The following SKA2 variants were observed in gnomAD, a reference collection of about 807,000 sequenced individuals.
SKA2 encodes spindle and kinetochore associated complex subunit 2.
In SKA2, 13 loss-of-function variants were observed where a neutral mutation model predicts 16.9. That is an observed-to-expected ratio of 0.77 (90% CI 0.50 to 1.22). SKA2 has a LOEUF of 1.22. Ranked by LOEUF, SKA2 falls within the 50% of genes most tolerant of loss-of-function variation. SKA2 has a pLI of 0.00. For missense variants in SKA2, 107 were observed against 139.7 expected (o/e 0.77, Z 1.18); for synonymous variants, 47 against 48.5 (o/e 0.97, Z 0.13).
chr17:59,135,094 C>T (rs931928555), intron 1 of SKA2, among the ~76,000 whole-genome samples: 9 of 152,036 alleles, frequency 5.9e-5, no homozygotes, highest in African/African-American at 2.2e-4. Context: ...CTCGGCCTCC[C>T]AAAGCGCTGG....
intron 3 of SKA2, among the ~76,000 whole-genome samples, chr17:59,113,486 G>C (rs369900940): frequency 1.3e-5 from 2 of 151,822 alleles, no homozygotes; most frequent in South Asian, 4.2e-4. Flanking sequence ...TCGCACCACT[G>C]AACTCCATCC....
At chr17:59,114,153 CA>C (rs947837900) in intron 3 of SKA2, among the ~76,000 whole-genome samples, 3 of 152,164 alleles carry the variant, frequency 2.0e-5, no homozygotes, top group Admixed American at 2.0e-4. Flanking sequence ...GTTACAAACC[CA>C]TTCCTCAACC....
chr17:59,132,988 T>G (rs988128394), intron 1 of SKA2, among the ~76,000 whole-genome samples: 1 of 152,234 alleles, frequency 6.6e-6, no homozygotes, highest in African/African-American at 2.4e-5. Context: ...TTTCTTTTTC[T>G]TTTTTATGAG....
intron 2 of SKA2, among the ~76,000 whole-genome samples, chr17:59,129,103 C>CT (rs1363208463): frequency 6.6e-6 from 1 of 152,108 alleles, no homozygotes; most frequent in Non-Finnish European, 1.5e-5. Flanking sequence ...AATCCCAGCA[C>CT]TTTGGGAGGC....
rs1220619953 is a variant in SKA2, at chr17:59,119,282, A to C, written c.297+37T>G. 4.4e-6 allele frequency: 7 copies of C among 1,606,086 alleles called. No individual in the cohort carries two copies. In the East Asian group the frequency reaches 1.6e-4, roughly 36 times the overall value. ...TTTTCAAAGCAACACTCAGAGCTAA[A>C]GCTAAACAAATCTAACCTGTCAACT... On this transcript the variant is annotated intron_variant, in intron 3 of 3. Transcript: ENST00000330137.
At chr17:59,136,229 C>T (rs1171231836) in intron 1 of SKA2, among the ~76,000 whole-genome samples, 1 of 150,146 alleles carries the variant, frequency 6.7e-6, no homozygotes, top group African/African-American at 2.4e-5. Flanking sequence ...GGCGCGATCT[C>T]GGGGCTCACT....
chr17:59,133,149 G>T (rs1331891839), intron 1 of SKA2, among the ~76,000 whole-genome samples: 3 of 152,066 alleles, frequency 2.0e-5, no homozygotes, highest in African/African-American at 7.2e-5. Context: ...GCTAATTTTT[G>T]ATTTTTTACA....
chr17:59,116,241 C>T (rs948262033), intron 3 of SKA2, among the ~76,000 whole-genome samples: 44 of 152,098 alleles, frequency 2.9e-4, no homozygotes, highest in Non-Finnish European at 4.9e-4. Flanking sequence ...GGCGTGGTGG[C>T]GCATGCCTGT....
Position 59,128,217 on chromosome 17 carries a change from A to G in SKA2, c.120+3064T>C, listed in dbSNP as rs565005193. On this transcript the variant is annotated intron_variant, in intron 2 of 3. Coordinates refer to ENST00000330137, the MANE Select transcript of SKA2 (RefSeq NM_182620.4). ...GGGACAGAGCAAGACTCCATCTCAG[A>G]AAAAAAAAAAGAGAGAGAAAAGAAG... Among the ~76,000 whole-genome samples the G allele has an allele frequency of 2.1e-4, 31 of 148,214 alleles. 3 individuals are homozygous for G. The South Asian group carries it at 6.6e-3, about 32-fold the overall frequency.
intron 2 of SKA2, among the ~76,000 whole-genome samples, chr17:59,121,376 C>T (rs1037012740): frequency 1.3e-5 from 2 of 151,946 alleles, no homozygotes; most frequent in African/African-American, 2.4e-5. Context: ...CCAGAAATGC[C>T]GGGCGCAGTG....
chr17:59,112,582 C>T (rs945296282), intron 3 of SKA2, among the ~76,000 whole-genome samples: 1 of 152,132 alleles, frequency 6.6e-6, no homozygotes, highest in African/African-American at 2.4e-5. Context: ...ACCAAGAAAT[C>T]AAACAATTTA....
chr17:59,127,300 T>C lies in SKA2; in HGVS notation c.120+3981A>G, dbSNP rs1462661317. 2.0e-5 allele frequency among the ~76,000 whole-genome samples: 3 copies of C among 152,164 alleles called. No homozygotes were observed. In the East Asian group the frequency reaches 5.8e-4, roughly 29 times the overall value. ...CCTGTAATCCCAGCTGCTAAGGATA[T>C]TGAGGCCAGAGGATAAACCTAGGAA... On this transcript the variant is annotated intron_variant, in intron 2 of 3. Coordinates refer to ENST00000330137, the MANE Select transcript of SKA2 (RefSeq NM_182620.4).
At chr17:59,123,336 A>C (rs1288409767) in intron 2 of SKA2, among the ~76,000 whole-genome samples, 2 of 145,690 alleles carry the variant, frequency 1.4e-5, no homozygotes, top group East Asian at 4.1e-4. Context: ...AAGCGGGTGG[A>C]TCATGAGGTC....
intron 1 of SKA2, among the ~76,000 whole-genome samples, chr17:59,135,182 G>C (rs1210359772): frequency 6.6e-6 from 1 of 151,866 alleles, no homozygotes; most frequent in African/African-American, 2.4e-5. Flanking sequence ...ATACCTAGGG[G>C]CCCAAAATGT....
chr17:59,119,407 TCAA>T lies in SKA2; in HGVS notation c.206_208del (p.Val69del), dbSNP rs1437354612. On this transcript the variant is annotated inframe_deletion, in exon 3 of 4. Coordinates refer to ENST00000330137, the MANE Select transcript of SKA2 (RefSeq NM_182620.4). ...AATGCGGCTCTTACTCTCTTTCTGC[TCAA>T]CAGCAACTGGTTTAAAGCGGGCATA... 6.2e-7 allele frequency: 1 copy of T among 1,614,006 alleles called. No homozygotes were observed. The highest frequency in any genetic ancestry group is 8.5e-7 in the Non-Finnish European group (1 of 1,179,886).
chr17:59,121,075 C>A (rs897228193), intron 2 of SKA2, among the ~76,000 whole-genome samples: 1 of 151,254 alleles, frequency 6.6e-6, no homozygotes, highest in African/African-American at 2.4e-5. Flanking sequence ...TCGCTTGAAC[C>A]CGGGAGGCAG....
intron 1 of SKA2, among the ~76,000 whole-genome samples, chr17:59,131,639 T>C (rs995943589): frequency 2.0e-5 from 3 of 152,216 alleles, no homozygotes; most frequent in Admixed American, 6.5e-5. Flanking sequence ...TGAGTAGCCA[T>C]TGTCAGATAT....
At chr17:59,117,664 ATCC>A (rs1326616401) in intron 3 of SKA2, among the ~76,000 whole-genome samples, 1 of 151,178 alleles carries the variant, frequency 6.6e-6, no homozygotes, top group Admixed American at 6.6e-5. Flanking sequence ...GCCTCAACTG[ATCC>A]TCCTGCCTTG....
chr17:59,152,630 T>C (rs1332020582), intron 1 of SKA2, among the ~76,000 whole-genome samples: 2 of 139,012 alleles, frequency 1.4e-5, no homozygotes, highest in African/African-American at 2.9e-5. Context: ...ATTTAACTGA[T>C]GTAAAACCAA....
Sources: allele counts gnomAD v4.1 joint callset (sites outside exome capture counted in the v4.1 genomes callset), GRCh38; gene constraint gnomAD v4.1.1; transcripts MANE v1.5; gene names NCBI Gene and HGNC (gene_info 2026-07-23, HGNC 2026-07-21).